BCL2: variants seen among roughly 807,000 people sequenced by gnomAD.
BCL2 encodes apoptosis regulator Bcl-2.
In BCL2, 1 loss-of-function variant was observed where a neutral mutation model predicts 14.2. The ratio of observed to expected loss-of-function variants is 0.07; its 90% confidence interval spans 0.02 to 0.33. The LOEUF (loss-of-function observed/expected upper bound fraction) is 0.33. BCL2 is among the 10% of genes least tolerant of loss of function. The pLI is 0.99. For synonymous variants in BCL2, 151 were observed against 137.2 expected (o/e 1.10, Z -0.70); for missense variants, 247 against 305.9 (o/e 0.81, Z 1.44).
chr18:63,277,806 A>C (rs1366934940), intron 2 of BCL2, among the ~76,000 whole-genome samples: 1 of 152,162 alleles, frequency 6.6e-6, no homozygotes. Flanking sequence ...ATGGCCAATG[A>C]AAAGGAGGGG....
chr18:63,130,458 C>T (rs777455400), intron 2 of BCL2, among the ~76,000 whole-genome samples: 6 of 152,104 alleles, frequency 3.9e-5, no homozygotes, highest in Non-Finnish European at 5.9e-5. Flanking sequence ...ACTATAGGTG[C>T]GTAGTAAATG....
In BCL2 at chr18:63,302,539, A is replaced by G. The variant is rs1291300664; in HGVS notation, c.585+15543T>C. The G allele has an allele frequency of 4.1e-6, 4 of 985,302 alleles. No individual in the cohort carries two copies. In the African/African-American group the frequency reaches 7.0e-5, roughly 17 times the overall value. 61.0% of individuals were successfully genotyped at this position (985,302 alleles called of 1,614,324 possible). A position where few individuals can be genotyped will look rare whatever the true frequency, so the allele number is the denominator to read the frequency against. ...AGTCATAACATGTTGTGCCCAGGGA[A>G]GATGTTGAATTGAAATTTTTTAATA... On this transcript the variant is annotated intron_variant, in intron 2 of 2. Transcript: ENST00000333681.
intron 2 of BCL2, among the ~76,000 whole-genome samples, chr18:63,249,956 C>T (rs76946086): frequency 0.046 from 6,967 of 152,092 alleles, 270 homozygotes; most frequent in Admixed American, 0.098. Context: ...AATGCCGCAC[C>T]GCACACTTGC....
chr18:63,281,658 C>G (rs916832063), intron 2 of BCL2, among the ~76,000 whole-genome samples: 3 of 126,510 alleles, frequency 2.4e-5, no homozygotes. Context: ...CAAATTGAGA[C>G]CTTGTCTCAG....
intron 2 of BCL2, among the ~76,000 whole-genome samples, chr18:63,165,779 C>T (rs1158202868): frequency 6.9e-6 from 1 of 145,342 alleles, no homozygotes; most frequent in African/African-American, 2.7e-5. Flanking sequence ...ACCTTAGGAT[C>T]TAGAGAAGGC....
chr18:63,314,326 T>C (rs1189716203), intron 2 of BCL2: 2 of 152,208 alleles, frequency 1.3e-5, no homozygotes, highest in East Asian at 1.9e-4. Flanking sequence ...TACACTGGCA[T>C]GAGAATGGTA....
At chr18:63,166,746 A>G (rs768230603) in intron 2 of BCL2, among the ~76,000 whole-genome samples, 3 of 152,200 alleles carry the variant, frequency 2.0e-5, no homozygotes, top group Non-Finnish European at 2.9e-5. Context: ...CACATAGGTT[A>G]AGTTTGGTTA....
intron 2 of BCL2, among the ~76,000 whole-genome samples, chr18:63,216,782 C>A (rs76940959): frequency 9.5e-4 from 145 of 152,232 alleles, no homozygotes; most frequent in Non-Finnish European, 1.8e-3. Flanking sequence ...ATTTTGCACA[C>A]CAAAAAAAGA....
chr18:63,148,934 A>T (rs957277240), intron 2 of BCL2, among the ~76,000 whole-genome samples: 2 of 152,242 alleles, frequency 1.3e-5, no homozygotes. Context: ...TGAAACCAGA[A>T]CTCAAACCCA....
At chr18:63,243,643 T>G (rs1044561892) in intron 2 of BCL2, among the ~76,000 whole-genome samples, 1 of 152,238 alleles carries the variant, frequency 6.6e-6, no homozygotes, top group Non-Finnish European at 1.5e-5. Context: ...AATTCTCTCC[T>G]GCTCCCACTC....
At chr18:63,297,123 G>A (rs1297209761) in intron 2 of BCL2, among the ~76,000 whole-genome samples, 1 of 152,090 alleles carries the variant, frequency 6.6e-6, no homozygotes, top group Non-Finnish European at 1.5e-5. Flanking sequence ...TGAGGCAGGA[G>A]AATGGCATGA....
chr18:63,273,837 TGA>T lies in BCL2; in HGVS notation c.585+44243_585+44244del, dbSNP rs1201476221. On this transcript the variant is annotated intron_variant, in intron 2 of 2. Transcript: ENST00000333681. Reference sequence around the variant, plus strand: ...GTGATGGTGGCAAATGAAGGTGGCATGACATCTTTTTGTTGCTTGGTCTTTAC... The same window carrying T: ...GTGATGGTGGCAAATGAAGGTGGCATCATCTTTTTGTTGCTTGGTCTTTAC... Among the ~76,000 whole-genome samples the T allele has an allele frequency of 1.2e-4, 19 of 152,354 alleles. No individual in the cohort carries two copies. The East Asian group carries it at 3.1e-3, about 25-fold the overall frequency.
rs1220657889 is a variant in BCL2 at position 63,126,302 on chromosome 18, C to G, written c.*2323G>C. ...TTTCAGGAAGACCCTGAAGGACAGC[C>G]ATGAGAAAGCCCCCGCGGAAGGAGG... On this transcript the variant is annotated 3_prime_UTR_variant, in exon 3 of 3. Coordinates refer to ENST00000333681, the MANE Select transcript of BCL2 (RefSeq NM_000633.3). The G allele has an allele frequency of 4.5e-6, 1 of 221,370 alleles. No homozygotes were observed. Among genetic ancestry groups the G allele is most frequent in the Admixed American group, 5.8e-5 (1 of 17,350 alleles). The allele number at this position is 221,370 out of a possible 1,614,324, so 13.7% of individuals were successfully genotyped here. A position where few individuals can be genotyped will look rare whatever the true frequency, so the allele number is the denominator to read the frequency against.
chr18:63,183,517 C>T (rs1052365391), intron 2 of BCL2, among the ~76,000 whole-genome samples: 12 of 152,202 alleles, frequency 7.9e-5, no homozygotes, highest in South Asian at 2.1e-4. Flanking sequence ...GGGGCCTCCG[C>T]GCTTGGCCAT....
intron 2 of BCL2, among the ~76,000 whole-genome samples, chr18:63,179,071 C>A (rs1336337474): frequency 6.6e-6 from 1 of 152,202 alleles, no homozygotes; most frequent in Non-Finnish European, 1.5e-5. Context: ...TGCTTCCATT[C>A]TTGAGCCTGC....
intron 2 of BCL2, among the ~76,000 whole-genome samples, chr18:63,237,418 C>A (rs1451250188): frequency 6.6e-6 from 1 of 152,160 alleles, no homozygotes; most frequent in Non-Finnish European, 1.5e-5. Context: ...TTTAAAAATG[C>A]GATACAAGAT....
At chr18:63,257,038 C>T (rs1568249211) in intron 2 of BCL2, among the ~76,000 whole-genome samples, 2 of 152,160 alleles carry the variant, frequency 1.3e-5, no homozygotes, top group African/African-American at 4.8e-5. Context: ...TATGTCCTTA[C>T]TATTTTGTTT....
intron 2 of BCL2, among the ~76,000 whole-genome samples, chr18:63,241,453 G>C (rs1261328219): frequency 6.6e-6 from 1 of 152,102 alleles, no homozygotes; most frequent in Non-Finnish European, 1.5e-5. Context: ...TAGTAGTTTT[G>C]CCATTTACGT....
At chr18:63,232,087 G>A (rs1910704672) in intron 2 of BCL2, among the ~76,000 whole-genome samples, 1 of 151,970 alleles carries the variant, frequency 6.6e-6, no homozygotes, top group Non-Finnish European at 1.5e-5. Context: ...AAACTAATAG[G>A]TGGTTCGCAG....
Sources: allele counts gnomAD v4.1 joint callset (sites outside exome capture counted in the v4.1 genomes callset), GRCh38; gene constraint gnomAD v4.1.1; transcripts MANE v1.5; gene names NCBI Gene and HGNC (gene_info 2026-07-23, HGNC 2026-07-21).